Variants in CDH23 observed in about 807,000 individuals in gnomAD.
CDH23 encodes cadherin-23.
In CDH23, 189 loss-of-function variants were observed where a neutral mutation model predicts 317.1. The observed-to-expected ratio is 0.60, with a 90% CI of 0.53 to 0.67. The LOEUF (loss-of-function observed/expected upper bound fraction) is 0.67, where lower values mean the gene tolerates loss of function less well. Among genes scored for constraint, CDH23 ranks in the 30% least tolerant of loss-of-function variants. The pLI is 0.00. For synonymous variants in CDH23, 1,839 were observed against 1,876.8 expected (o/e 0.98, Z 0.52); for missense variants, 4,401 against 4,592.4 (o/e 0.96, Z 1.20).
chr10:71,406,144 A>G (rs1848088522), intron 1 of CDH23, among the ~76,000 whole-genome samples: 1 of 151,942 alleles, frequency 6.6e-6, no homozygotes, highest in Non-Finnish European at 1.5e-5. Flanking sequence ...GCCTCCCAAG[A>G]TGTGTCTCCC....
intron 11 of CDH23, among the ~76,000 whole-genome samples, chr10:71,634,118 C>A (rs1434850631): frequency 6.6e-6 from 1 of 152,234 alleles, no homozygotes; most frequent in Non-Finnish European, 1.5e-5. Flanking sequence ...GCACCCTGGC[C>A]CTCCCTGCTC....
chr10:71,761,665 C>T (rs769995499), intron 38 of CDH23: 17 of 1,613,382 alleles, frequency 1.1e-5, no homozygotes, highest in Admixed American at 1.7e-5. Context: ...TGATCTCCAC[C>T]ACCAGGCAGC....
intron 1 of CDH23, among the ~76,000 whole-genome samples, chr10:71,428,487 G>A (rs767239866): frequency 3.6e-4 from 55 of 151,868 alleles, no homozygotes; most frequent in Non-Finnish European, 3.4e-4. Context: ...AGCCATTTTA[G>A]TGAGTATGAA....
At chr10:71,522,959 C>T (rs1854785706) in intron 6 of CDH23, among the ~76,000 whole-genome samples, 1 of 152,142 alleles carries the variant, frequency 6.6e-6, no homozygotes, top group Non-Finnish European at 1.5e-5. Context: ...AGTGACTTGT[C>T]CAAGGTCACA....
chr10:71,790,149 C>T, intron 45 of CDH23, 139 bp from the exon 46 acceptor site: 3 of 1,216,422 alleles, frequency 2.5e-6, no homozygotes, highest in Non-Finnish European at 3.3e-6. Flanking sequence ...GGCCCGCCCC[C>T]AGGGCCTCCC....
intron 38 of CDH23, among the ~76,000 whole-genome samples, chr10:71,759,178 C>T (rs1458284081): frequency 1.3e-5 from 2 of 151,940 alleles, no homozygotes; most frequent in East Asian, 3.9e-4. Flanking sequence ...GCTGGGACTA[C>T]AGGCGTGCAC....
intron 3 of CDH23, among the ~76,000 whole-genome samples, chr10:71,502,364 T>A (rs1853385224): frequency 6.6e-6 from 1 of 152,202 alleles, no homozygotes; most frequent in Non-Finnish European, 1.5e-5. Context: ...TGAAGTTGAA[T>A]GCAGATTCAC....
intron 3 of CDH23, among the ~76,000 whole-genome samples, chr10:71,460,602 C>T (rs74144987): frequency 0.02 from 3,029 of 152,330 alleles, 113 homozygotes; most frequent in African/African-American, 0.068. Flanking sequence ...TCAGGCCTGA[C>T]GGGCCAGGAG....
intron 28 of CDH23, among the ~76,000 whole-genome samples, chr10:71,722,242 A>C (rs1486861483): frequency 1.3e-5 from 2 of 152,154 alleles, no homozygotes; most frequent in Admixed American, 1.3e-4. Flanking sequence ...GGAGTTCGAG[A>C]CCAGCCTGGG....
chr10:71,697,782 G>A (rs181469803), intron 22 of CDH23, among the ~76,000 whole-genome samples: 2 of 152,128 alleles, frequency 1.3e-5, no homozygotes, highest in Admixed American at 1.3e-4. Context: ...CAGAGCCCTT[G>A]CCAGACCTAC....
chr10:71,765,597 G>A (rs1840518962), intron 38 of CDH23, among the ~76,000 whole-genome samples: 1 of 152,196 alleles, frequency 6.6e-6, no homozygotes, highest in Non-Finnish European at 1.5e-5. Flanking sequence ...ACCCGCAGCA[G>A]TAGGGAAGGG....
intron 3 of CDH23, among the ~76,000 whole-genome samples, chr10:71,458,880 C>A (rs1046934673): frequency 4.6e-5 from 7 of 152,072 alleles, no homozygotes. Flanking sequence ...CTCCACCTCC[C>A]GGGTTCACGC....
intron 8 of CDH23, among the ~76,000 whole-genome samples, chr10:71,573,782 A>T (rs1054182284): frequency 1.3e-5 from 2 of 152,200 alleles, no homozygotes; most frequent in Admixed American, 6.5e-5. Flanking sequence ...AAGGCAGTGC[A>T]TTGAGGGTTT....
intron 9 of CDH23, among the ~76,000 whole-genome samples, chr10:71,579,583 G>T (rs1364126422): frequency 1.3e-5 from 2 of 152,176 alleles, no homozygotes; most frequent in Non-Finnish European, 2.9e-5. Flanking sequence ...CTGGAGGTCT[G>T]GGATGGGCCC....
chr10:71,627,892 C>A (rs1861819657), intron 11 of CDH23, among the ~76,000 whole-genome samples: 1 of 152,196 alleles, frequency 6.6e-6, no homozygotes, highest in African/African-American at 2.4e-5. Context: ...GCAGAGCTGG[C>A]AAACTTTCTT....
intron 2 of CDH23, 126 bp downstream of exon 2, chr10:71,440,024 G>A (rs1849801871): frequency 5.4e-6 from 4 of 743,490 alleles, no homozygotes; most frequent in Non-Finnish European, 9.2e-6. Flanking sequence ...CTTACTGTGT[G>A]ACTGAGGCAC....
intron 14 of CDH23, among the ~76,000 whole-genome samples, chr10:71,665,507 G>T (rs1275907042): frequency 6.6e-6 from 1 of 152,230 alleles, no homozygotes; most frequent in Non-Finnish European, 1.5e-5. Flanking sequence ...GAGATCTGGG[G>T]AAGAGTGACT....
chr10:71,747,910 G>A (rs1028536318), intron 38 of CDH23: 1 of 152,386 alleles, frequency 6.6e-6, no homozygotes, highest in South Asian at 2.1e-4. Flanking sequence ...AAGCAGCAAT[G>A]CAAAGCAGGG....
intron 1 of CDH23, among the ~76,000 whole-genome samples, chr10:71,437,039 C>T (rs997290627): frequency 6.6e-6 from 1 of 152,332 alleles, no homozygotes; most frequent in Middle Eastern, 3.4e-3. Flanking sequence ...TGCTCAACCC[C>T]GCTAGTAGTT....
Sources: allele counts gnomAD v4.1 joint callset (sites outside exome capture counted in the v4.1 genomes callset), GRCh38; gene constraint gnomAD v4.1.1; transcripts MANE v1.5; gene names NCBI Gene and HGNC (gene_info 2026-07-23, HGNC 2026-07-21).